WDR70: variants seen among roughly 807,000 people sequenced by gnomAD.
WDR70 encodes the protein WD repeat domain 70, also known as WD repeat-containing protein 70.
Under a neutral mutation model 88.6 loss-of-function variants are expected in WDR70, and 53 were observed. The observed-to-expected ratio is 0.60, with a 90% CI of 0.48 to 0.75. WDR70 has a LOEUF of 0.75. WDR70 is among the 30% of genes least tolerant of loss of function. WDR70 has a pLI of 0.00. For synonymous variants in WDR70, 280 were observed against 270.0 expected (o/e 1.04, Z -0.36); for missense variants, 610 against 823.2 (o/e 0.74, Z 3.17).
intron 9 of WDR70, among the ~76,000 whole-genome samples, chr5:37,602,850 G>A (rs151294918): frequency 0.061 from 9,250 of 152,058 alleles, 365 homozygotes; most frequent in South Asian, 0.13. Context: ...GGTGGCATGC[G>A]CCTGTAATGC....
intron 9 of WDR70, among the ~76,000 whole-genome samples, chr5:37,530,794 G>A (rs1273781349): frequency 1.0e-4 from 13 of 129,196 alleles, no homozygotes; most frequent in Admixed American, 6.1e-4. Context: ...TTTCATTTCA[G>A]TTTCATTGAG....
chr5:37,395,731 C>T (rs1393333493), intron 4 of WDR70, among the ~76,000 whole-genome samples: 9 of 151,800 alleles, frequency 5.9e-5, no homozygotes, highest in South Asian at 2.1e-4. Flanking sequence ...GGTTTTTGTC[C>T]GTTACTATTT....
At chr5:37,579,582 C>CAAAAAAAAAAAAAAAAAAAAAAAAA (rs201135421) in intron 9 of WDR70, among the ~76,000 whole-genome samples, 2 of 82,732 alleles carry the variant, frequency 2.4e-5, no homozygotes, top group African/African-American at 8.8e-5. Context: ...GACTCTGTCT[C>CAAAAAAAAAAAAAAAAAAAAAAAAA]AAAAAAAAAA....
intron 17 of WDR70, among the ~76,000 whole-genome samples, chr5:37,743,338 C>T (rs918765748): frequency 3.3e-5 from 5 of 152,244 alleles, no homozygotes; most frequent in African/African-American, 1.2e-4. Flanking sequence ...TGGGGCCTAG[C>T]ATCCTAACCC....
rs1743941848 is a variant in WDR70 at position 37,603,307 on chromosome 5, GA to G, written c.918-1754del. Among the ~76,000 whole-genome samples the G allele has an allele frequency of 2.0e-5, 3 of 152,146 alleles. No homozygotes were observed. In the South Asian group the frequency reaches 6.2e-4, roughly 32 times the overall value. On this transcript the variant is annotated intron_variant, in intron 9 of 17. Coordinates refer to ENST00000265107, the MANE Select transcript of WDR70 (RefSeq NM_018034.4). Reference sequence around the variant, plus strand: ...AACTACTGGAACATGATATAGTCCAGAAATAAACCCAGGTACTTACAGCCAA... The same window carrying G: ...AACTACTGGAACATGATATAGTCCAGAATAAACCCAGGTACTTACAGCCAA...
At chr5:37,601,943 C>G (rs1016593515) in intron 9 of WDR70, among the ~76,000 whole-genome samples, 8 of 151,962 alleles carry the variant, frequency 5.3e-5, no homozygotes, top group Non-Finnish European at 1.2e-4. Flanking sequence ...GCTGGAAACT[C>G]TCATTCTCAG....
chr5:37,639,540 G>T (rs1745052921), intron 10 of WDR70, among the ~76,000 whole-genome samples: 1 of 152,044 alleles, frequency 6.6e-6, no homozygotes, highest in South Asian at 2.1e-4. Context: ...TGTTGTTGTT[G>T]TTGTTTTGCT....
intron 10 of WDR70, among the ~76,000 whole-genome samples, chr5:37,609,294 C>T (rs565589506): frequency 9.9e-5 from 15 of 152,254 alleles, no homozygotes; most frequent in African/African-American, 3.4e-4. Context: ...CTTTATAATT[C>T]TGGGCTTTCA....
intron 9 of WDR70, among the ~76,000 whole-genome samples, chr5:37,537,310 G>A (rs1344756681): frequency 1.3e-5 from 2 of 152,114 alleles, no homozygotes; most frequent in Non-Finnish European, 2.9e-5. Flanking sequence ...GAGTGGACCT[G>A]GACATGTAAA....
chr5:37,542,359 A>G (rs568725274), intron 9 of WDR70, among the ~76,000 whole-genome samples: 19 of 150,078 alleles, frequency 1.3e-4, no homozygotes, highest in African/African-American at 4.7e-4. Context: ...GGCTCACTGC[A>G]ACCTCCACCT....
chr5:37,429,468 G>T (rs1750237668), intron 5 of WDR70, among the ~76,000 whole-genome samples: 1 of 151,608 alleles, frequency 6.6e-6, no homozygotes, highest in African/African-American at 2.4e-5. Flanking sequence ...TTGTTTTATA[G>T]GTTTAGTTTT....
chr5:37,616,573 A>G (rs1202184050), intron 10 of WDR70, among the ~76,000 whole-genome samples: 2 of 152,098 alleles, frequency 1.3e-5, no homozygotes, highest in African/African-American at 4.8e-5. Flanking sequence ...ACTATCCAAC[A>G]TCCGTTGAAG....
rs368440280 is a variant in WDR70, at chr5:37,479,873, C to G, written c.726C>G (p.Asp242Glu). 4.7e-5 allele frequency: 76 copies of G among 1,614,020 alleles called. No individual in the cohort carries two copies. Among genetic ancestry groups the G allele is most frequent in the African/African-American group, 3.5e-4 (26 of 75,004 alleles). Reference protein sequence around the residue: ...IKSLQYSNTGDMILVVSGSSQ... With the variant: ...IKSLQYSNTGEMILVVSGSSQ... ...CATTACAGTATAGTAACACAGGAGA[C>G]ATGATTCTTGTTGTATCTGGAAGCT... Residue 242 changes from aspartate (D) to glutamate (E), a missense_variant, in exon 8 of 18, where the codon GAC becomes GAG. Asp to Glu is a conservative substitution (Grantham distance 45). Coordinates refer to ENST00000265107, the MANE Select transcript of WDR70 (RefSeq NM_018034.4).
intron 10 of WDR70, among the ~76,000 whole-genome samples, chr5:37,639,065 A>C (rs942256944): frequency 1.3e-5 from 2 of 152,258 alleles, no homozygotes; most frequent in African/African-American, 4.8e-5. Flanking sequence ...GAAGAAATGC[A>C]GAACGTAAAA....
At chr5:37,732,298 C>G (rs1173733383) in intron 17 of WDR70, among the ~76,000 whole-genome samples, 8 of 152,088 alleles carry the variant, frequency 5.3e-5, no homozygotes, top group African/African-American at 1.2e-4. Flanking sequence ...TTGTTTTTTA[C>G]TTAGTATACA....
intron 5 of WDR70, among the ~76,000 whole-genome samples, chr5:37,405,387 T>G (rs1030532411): frequency 1.3e-5 from 2 of 151,942 alleles, no homozygotes; most frequent in African/African-American, 2.4e-5. Flanking sequence ...CTCACTCTTG[T>G]TGCCCAGGCT....
chr5:37,564,558 GGGGAGA>G (rs1175500475), intron 9 of WDR70, among the ~76,000 whole-genome samples: 8 of 112,292 alleles, frequency 7.1e-5, no homozygotes, highest in South Asian at 2.9e-4. Flanking sequence ...GGGAGACCGT[GGGGAGA>G]GGGAGAGGGA....
chr5:37,446,200 G>C (rs770109033), intron 7 of WDR70, among the ~76,000 whole-genome samples: 31 of 152,274 alleles, frequency 2.0e-4, no homozygotes, highest in East Asian at 1.9e-4. Flanking sequence ...TTGCTTCAAA[G>C]AGAATGAAAT....
chr5:37,499,102 T>G (rs1281537680), intron 8 of WDR70, among the ~76,000 whole-genome samples: 1 of 152,122 alleles, frequency 6.6e-6, no homozygotes, highest in Non-Finnish European at 1.5e-5. Flanking sequence ...TTGAGCATCT[T>G]TTCATGTTTG....
Sources: allele counts gnomAD v4.1 joint callset (sites outside exome capture counted in the v4.1 genomes callset), GRCh38; gene constraint gnomAD v4.1.1; transcripts MANE v1.5; gene names NCBI Gene and HGNC (gene_info 2026-07-23, HGNC 2026-07-21).